The following JPH2 variants were observed in gnomAD, a reference collection of about 807,000 sequenced individuals.
JPH2 encodes junctophilin 2.
Under a neutral mutation model 55.9 loss-of-function variants are expected in JPH2, and 38 were observed. That is an observed-to-expected ratio of 0.68 (90% CI 0.52 to 0.89). JPH2 has a LOEUF of 0.89. Among genes scored for constraint, JPH2 ranks in the 40% least tolerant of loss-of-function variants. The pLI is 0.00. For synonymous variants in JPH2, 480 were observed against 472.4 expected (o/e 1.02, Z -0.21); for missense variants, 964 against 1,037.6 (o/e 0.93, Z 0.97).
At chr20:44,134,874 AT>A (rs1474197348) in intron 2 of JPH2, among the ~76,000 whole-genome samples, 1 of 25,086 alleles carries the variant, frequency 4.0e-5, no homozygotes, top group African/African-American at 2.1e-4. Flanking sequence ...AAATATATAT[AT>A]TTATATATAT....
intron 2 of JPH2, among the ~76,000 whole-genome samples, chr20:44,130,947 C>T (rs1158078777): frequency 6.6e-6 from 1 of 152,064 alleles, no homozygotes; most frequent in Non-Finnish European, 1.5e-5. Flanking sequence ...TGAAGTCATG[C>T]TATGTGGGTG....
chr20:44,179,230 C>T (rs545048940), intron 1 of JPH2, among the ~76,000 whole-genome samples: 58 of 152,268 alleles, frequency 3.8e-4, no homozygotes, highest in African/African-American at 1.4e-3. Context: ...GAGAAAATAG[C>T]AAGCATTGCA....
At chr20:44,147,214 T>C (rs764060) in intron 2 of JPH2, among the ~76,000 whole-genome samples, 89,156 of 151,590 alleles carry the variant, frequency 0.59, 26,336 homozygotes, top group South Asian at 0.67. Flanking sequence ...TGTATTCCAG[T>C]GCTGCTTGAA....
Position 44,186,403 on chromosome 20 carries a change from G to T in JPH2, c.303C>A (p.Ser101Arg). 1 of 1,613,794 alleles carries T rather than the reference G, an allele frequency of 6.2e-7. No homozygotes were observed. The highest frequency in any genetic ancestry group is 8.5e-7 in the Non-Finnish European group (1 of 1,179,976). ...AGGTGCCCTCATACTTGGCACCGCT[G>T]CTTGAGCTCTGCCGGATTCCGTAGC... ...KGRYGIRQSS[S>R]SGAKYEGTWN... is the part of the protein sequence containing the mutation. Residue 101 changes from serine to arginine, a missense_variant, in exon 1 of 6, where the codon AGC (serine) becomes AGA (arginine). Coordinates refer to ENST00000372980, the MANE Select transcript of JPH2 (RefSeq NM_020433.5).
At chr20:44,176,943 A>T in intron 1 of JPH2, 1 of 985,444 alleles carries the variant, frequency 1.0e-6, no homozygotes, top group Non-Finnish European at 1.2e-6. Context: ...GCTCTACCCC[A>T]TCCACAGCAA....
chr20:44,110,200 C>CCCCAA lies in JPH2; in HGVS notation c.*3313_*3317dup, dbSNP rs1177564465. ...GTGAGTTCAATACAGCCACCCCTGC[C>CCCCAA]CCCAACTCATCCAACACACACACAT... On this transcript the variant is annotated 3_prime_UTR_variant, in exon 6 of 6. Transcript: ENST00000372980. Among the ~76,000 whole-genome samples the CCCCAA allele has an allele frequency of 6.6e-6, 1 of 151,950 alleles. No individual in the cohort carries two copies. The highest frequency in any genetic ancestry group is 1.5e-5 in the Non-Finnish European group (1 of 68,000).
At chr20:44,145,232 T>C (rs1269605906) in intron 2 of JPH2, among the ~76,000 whole-genome samples, 3 of 152,168 alleles carry the variant, frequency 2.0e-5, no homozygotes, top group African/African-American at 7.2e-5. Flanking sequence ...AACACTTGCA[T>C]CTGTGGGAGA....
intron 1 of JPH2, among the ~76,000 whole-genome samples, chr20:44,174,343 G>T (rs1448510639): frequency 2.0e-5 from 3 of 152,148 alleles, no homozygotes; most frequent in Admixed American, 6.5e-5. Context: ...ACAAAGGGAG[G>T]CCATCCAGGA....
intron 2 of JPH2, among the ~76,000 whole-genome samples, chr20:44,149,094 AT>A: frequency 6.6e-6 from 1 of 150,730 alleles, no homozygotes; most frequent in South Asian, 2.1e-4. Context: ...CCCTCCTCCA[AT>A]TAAAAAAAAA....
chr20:44,126,139 A>AGAGAGAGAGAGAGGGAGGGAGGGGGG (rs1204759690), intron 2 of JPH2, among the ~76,000 whole-genome samples: 1 of 37,592 alleles, frequency 2.7e-5, no homozygotes, highest in Non-Finnish European at 4.9e-5. Flanking sequence ...AGAAAAAGAG[A>AGAGAGAGAGAGAGGGAGGGAGGGGGG]GAGGGAGGGA....
chr20:44,172,589 C>A (rs1239992254), intron 1 of JPH2, among the ~76,000 whole-genome samples: 4 of 152,166 alleles, frequency 2.6e-5, no homozygotes, highest in Admixed American at 2.6e-4. Context: ...ACCTCCTGGG[C>A]TAAAGTGATC....
intron 1 of JPH2, among the ~76,000 whole-genome samples, chr20:44,182,601 C>G (rs548754187): frequency 6.6e-6 from 1 of 152,312 alleles, no homozygotes; most frequent in East Asian, 1.9e-4. Context: ...AGCACTGCCT[C>G]GGGGCCTTTG....
chr20:44,161,299 T>C (rs2072608228), intron 1 of JPH2, among the ~76,000 whole-genome samples: 1 of 152,062 alleles, frequency 6.6e-6, no homozygotes, highest in Non-Finnish European at 1.5e-5. Flanking sequence ...TGAAACCATA[T>C]GGAGGAAGGC....
At chr20:44,119,567 C>G (rs2072219786) in intron 2 of JPH2, among the ~76,000 whole-genome samples, 1 of 152,110 alleles carries the variant, frequency 6.6e-6, no homozygotes, top group African/African-American at 2.4e-5. Flanking sequence ...CCACCTTGTT[C>G]CAGAAGTTAA....
At chr20:44,122,917 G>A (rs1163095212) in intron 2 of JPH2, among the ~76,000 whole-genome samples, 1 of 152,096 alleles carries the variant, frequency 6.6e-6, no homozygotes, top group East Asian at 1.9e-4. Flanking sequence ...AGGAGGGAAA[G>A]GGCTGGGCAA....
At chr20:44,163,773 A>G (rs2072633175) in intron 1 of JPH2, among the ~76,000 whole-genome samples, 1 of 152,166 alleles carries the variant, frequency 6.6e-6, no homozygotes, top group South Asian at 2.1e-4. Flanking sequence ...AAAACAACTG[A>G]TCCTTGGGCT....
intron 2 of JPH2, among the ~76,000 whole-genome samples, chr20:44,120,754 C>CA (rs1464278773): frequency 1.3e-5 from 2 of 151,944 alleles, no homozygotes; most frequent in Non-Finnish European, 2.9e-5. Context: ...AAACAAATCA[C>CA]AAAAAAAATC....
intron 2 of JPH2, among the ~76,000 whole-genome samples, chr20:44,144,122 C>T (rs1482066721): frequency 1.3e-5 from 2 of 152,124 alleles, no homozygotes; most frequent in Non-Finnish European, 2.9e-5. Context: ...TGGGTGTTTA[C>T]TTGAAGGATT....
In JPH2 at chr20:44,186,801, G is replaced by T; in HGVS notation, c.-96C>A. 1.6e-6 allele frequency: 2 copies of T among 1,265,638 alleles called. No individual in the cohort carries two copies. The highest frequency in any genetic ancestry group is 1.2e-5 in the South Asian group (1 of 82,558). The allele number at this position is 1,265,638 out of a possible 1,614,324, so 78.4% of individuals were successfully genotyped here. On this transcript the variant is annotated 5_prime_UTR_variant, in exon 1 of 6. Transcript: ENST00000372980. ...ACTCCTCCAGTGCCCTCGGGGGCAG[G>T]CCCCCAGACTCACCACTGCACCCCA... is the stretch of plus-strand genomic sequence containing the variant.
Sources: gnomAD v4.1 joint callset for allele counts (sites outside exome capture counted in the v4.1 genomes callset) on GRCh38, gnomAD v4.1.1 for gene constraint, MANE v1.5 for transcripts, NCBI Gene and HGNC (gene_info 2026-07-23, HGNC 2026-07-21) for gene names.